Variants in ST7L observed in about 807,000 individuals in gnomAD.
ST7L encodes the protein suppressor of tumorigenicity 7 protein-like.
ST7L carries 57 observed loss-of-function variants against 72.5 expected under a neutral mutation model. That is an observed-to-expected ratio of 0.79 (90% confidence interval 0.64 to 0.98). The LOEUF is 0.98. ST7L is among the 50% of genes least tolerant of loss of function. The pLI is 0.00. For missense variants in ST7L, 576 were observed against 672.2 expected, an observed-to-expected ratio of 0.86 and a Z score of 1.58; for synonymous variants, 221 against 240.9, an observed-to-expected ratio of 0.92 and a Z score of 0.77.
At chr1:112,551,746 C>A (rs1038705210) in intron 12 of ST7L, among the ~76,000 whole-genome samples, 3 of 152,128 alleles carry the variant, frequency 2.0e-5, no homozygotes, top group Non-Finnish European at 4.4e-5. Context: ...TGATCTATTC[C>A]ATTAGCTAAG....
chr1:112,520,253 TCTCA>T (rs764986548), downstream of ST7L: 1 of 1,600,508 alleles, frequency 6.2e-7, no homozygotes, highest in Non-Finnish European at 8.5e-7. Flanking sequence ...ATAACTTTGT[TCTCA>T]CTCCCTCTCT....
chr1:112,600,264 C>T (rs996582730), intron 4 of ST7L, among the ~76,000 whole-genome samples: 7 of 152,100 alleles, frequency 4.6e-5, no homozygotes, highest in African/African-American at 1.7e-4. Context: ...TCTTGAACTC[C>T]TGACTTCAAG....
At chr1:112,526,853 G>A (rs552372848) in intron 14 of ST7L, 1 of 152,240 alleles carries the variant, frequency 6.6e-6, no homozygotes, top group African/African-American at 2.4e-5. Context: ...AGTGTCCTAA[G>A]AAACTCCCAT....
At chr1:112,602,239 A>T (rs142736179) in intron 3 of ST7L, among the ~76,000 whole-genome samples, 3,067 of 152,332 alleles carry the variant, frequency 0.02, 105 homozygotes, top group African/African-American at 0.069. Context: ...TGTTTAGATC[A>T]GCAGTTCTCA....
chr1:112,529,993 C>T (rs1317152354), intron 14 of ST7L: 1 of 152,146 alleles, frequency 6.6e-6, no homozygotes, highest in Non-Finnish European at 1.5e-5. Flanking sequence ...AATCAGACCT[C>T]TGAATTAGAA....
At chr1:112,599,073 A>AAAATATAT (rs1190968815) in intron 4 of ST7L, among the ~76,000 whole-genome samples, 2 of 57,002 alleles carry the variant, frequency 3.5e-5, no homozygotes, top group African/African-American at 1.4e-4. Context: ...AAAAAAAAAA[A>AAAATATAT]ATATATATAT....
At chr1:112,619,487 G>A (rs1016080639), upstream of ST7L, 1 of 526,268 alleles carries the variant, frequency 1.9e-6, no homozygotes, top group African/African-American at 1.9e-5. Context: ...GGCTGTCGTG[G>A]AGATAACGGG....
At chr1:112,573,216 C>T (rs941276740) in intron 11 of ST7L, among the ~76,000 whole-genome samples, 2 of 151,758 alleles carry the variant, frequency 1.3e-5, no homozygotes, top group East Asian at 1.9e-4. Flanking sequence ...GGTATGGTGG[C>T]GCATGCCTGT....
intron 11 of ST7L, among the ~76,000 whole-genome samples, chr1:112,558,100 A>T (rs1415620812): frequency 6.6e-6 from 1 of 152,216 alleles, no homozygotes; most frequent in Non-Finnish European, 1.5e-5. Context: ...CCAAAGACTG[A>T]GACCAGAATG....
chr1:112,608,856 G>A (rs1415746155), intron 3 of ST7L, among the ~76,000 whole-genome samples: 2 of 152,116 alleles, frequency 1.3e-5, no homozygotes, highest in Non-Finnish European at 2.9e-5. Flanking sequence ...CAGGGACTTT[G>A]ACCAAATCTA....
intron 2 of ST7L, among the ~76,000 whole-genome samples, chr1:112,612,429 A>G (rs1265277983): frequency 6.6e-6 from 1 of 152,128 alleles, no homozygotes; most frequent in Non-Finnish European, 1.5e-5. Context: ...CTATTTTACT[A>G]TGACCACAAA....
At chr1:112,560,090 CT>C (rs1327519661) in intron 11 of ST7L, among the ~76,000 whole-genome samples, 2 of 152,016 alleles carry the variant, frequency 1.3e-5, no homozygotes, top group South Asian at 2.1e-4. Context: ...TCCAATTTGA[CT>C]TTAAAACAAA....
intron 14 of ST7L, among the ~76,000 whole-genome samples, chr1:112,535,423 T>TGAA (rs1246670109): frequency 2.7e-5 from 4 of 149,060 alleles, no homozygotes; most frequent in Non-Finnish European, 5.9e-5. Context: ...AAGAAGAAGA[T>TGAA]GAAGAAGAAG....
intron 1 of ST7L, chr1:112,618,646 C>A: frequency 1.6e-6 from 1 of 620,770 alleles, no homozygotes. Flanking sequence ...AAGCTTATAG[C>A]TTGTCAGGTG....
In ST7L at chr1:112,575,742, A is replaced by C. The variant is rs1049105324; in HGVS notation, c.1245+1244T>G. On this transcript the variant is annotated intron_variant, in intron 11 of 14. Transcript: ENST00000358039. ...ATGTAATATTTTCAGACAGAGGCTG[A>C]CTGTGGTAACTGAAACCATGGAATG... Among the ~76,000 whole-genome samples the C allele has an allele frequency of 5.3e-5, 8 of 152,238 alleles. No individual in the cohort carries two copies. The East Asian group carries it at 1.3e-3, about 26-fold the overall frequency.
intron 11 of ST7L, among the ~76,000 whole-genome samples, chr1:112,573,180 C>G (rs571816569): frequency 2.0e-5 from 3 of 151,986 alleles, no homozygotes; most frequent in Admixed American, 2.0e-4. Flanking sequence ...GAAACCCCAT[C>G]TCAACCGAAA....
At position 112,610,952 on chromosome 1, in the gene ST7L, CT is replaced by C. The variant is rs765498940; in HGVS notation, c.339del (p.Val114TyrfsTer3). 6.2e-7 allele frequency: 1 copy of C among 1,614,082 alleles called. No homozygotes were observed. On this transcript the variant is annotated frameshift_variant, in exon 3 of 15. Transcript: ENST00000358039. LOFTEE classifies it high-confidence loss of function. ...FHKHGTSFIE[Q>X]VSVSHLQPLM... ...AGTGGTTGCAAATGGCTTACAGATACTTGCTCAATAAAAGATGTGCCATGCT... is the reference window on the plus strand; with the variant it reads ...AGTGGTTGCAAATGGCTTACAGATACTGCTCAATAAAAGATGTGCCATGCT...
rs1452893628 is a variant in ST7L, at chr1:112,524,019, A to G, written c.*1994T>C. On this transcript the variant is annotated 3_prime_UTR_variant, in exon 15 of 15. Transcript: ENST00000358039. Reference sequence around the variant, plus strand: ...AGATTAAAAAAAAAAACAAAAAACAAAAAACAAAAACAAACATTGCCTGGC... The same window carrying G: ...AGATTAAAAAAAAAAACAAAAAACAGAAAACAAAAACAAACATTGCCTGGC... The G allele has an allele frequency of 6.6e-6, 1 of 152,172 alleles. No homozygotes were observed. Among genetic ancestry groups the G allele is most frequent in the Non-Finnish European group, 1.5e-5 (1 of 68,044 alleles). The allele number at this position is 152,172 out of a possible 1,614,324, so 9.4% of individuals were successfully genotyped here.
the ST7L span, chr1:112,517,852 T>G: frequency 6.4e-6 from 1 of 156,860 alleles, no homozygotes; most frequent in Admixed American, 6.1e-5. Flanking sequence ...AAAAAGAAAC[T>G]AGAATTTAAG....
Sources: allele counts gnomAD v4.1 joint callset (sites outside exome capture counted in the v4.1 genomes callset), GRCh38; gene constraint gnomAD v4.1.1; transcripts MANE v1.5; gene names NCBI Gene and HGNC (gene_info 2026-07-23, HGNC 2026-07-21).